Variants in UNC79 observed in about 807,000 individuals in gnomAD.
The protein encoded by UNC79 is unc-79 subunit of NALCN channel complex.
UNC79 carries 37 observed loss-of-function variants against 283.1 expected under a neutral mutation model. That is an observed-to-expected ratio of 0.13 (90% confidence interval 0.10 to 0.17). UNC79 has a LOEUF of 0.17. Among genes scored for constraint, UNC79 ranks in the 10% least tolerant of loss-of-function variants. UNC79 has a pLI of 1.00. For synonymous variants in UNC79, 1,107 were observed against 1,200.2 expected (o/e 0.92, Z 1.61); for missense variants, 2,272 against 3,211.1 (o/e 0.71, Z 7.07).
intron 25 of UNC79, 24 bp from the exon 26 acceptor site, chr14:93,603,215 G>T (rs764346702): frequency 6.2e-7 from 1 of 1,612,380 alleles, no homozygotes; most frequent in South Asian, 1.1e-5. Context: ...GAGAGTGATA[G>T]TCTCTTTAAT....
chr14:93,660,807 C>A (rs557549376), intron 39 of UNC79, among the ~76,000 whole-genome samples: 8 of 151,692 alleles, frequency 5.3e-5, no homozygotes, highest in Non-Finnish European at 8.8e-5. Flanking sequence ...CCAGGCTGGT[C>A]TCGAACTCCT....
At chr14:93,578,193 C>T in intron 18 of UNC79, 130 bp downstream of exon 18, 2 of 859,996 alleles carry the variant, frequency 2.3e-6, no homozygotes, top group Non-Finnish European at 3.5e-6. Flanking sequence ...AGACCTTTTG[C>T]AAACTCCTTT....
intron 1 of UNC79, among the ~76,000 whole-genome samples, chr14:93,439,901 T>C (rs2056231445): frequency 6.6e-6 from 1 of 152,198 alleles, no homozygotes; most frequent in African/African-American, 2.4e-5. Context: ...TGCAAATGAC[T>C]ATCTTAGAAA....
rs535121987 is a variant in UNC79, at chr14:93,645,490, G to A, written c.6045-1118G>A. Among the ~76,000 whole-genome samples, 7 of 152,262 alleles carry A rather than the reference G, an allele frequency of 4.6e-5. No individual in the cohort carries two copies. In the South Asian group the frequency reaches 1.5e-3, roughly 32 times the overall value. The stretch of plus-strand genomic sequence containing the variant: ...AGATTCAACTGTCAGCTAATTCAGG[G>A]CTTCCTGGCATGCCTCACTTCATCA... On this transcript the variant is annotated intron_variant, in intron 34 of 48. Transcript: ENST00000555664.
At chr14:93,685,889 T>C (rs2074202199) in intron 42 of UNC79, among the ~76,000 whole-genome samples, 1 of 152,214 alleles carries the variant, frequency 6.6e-6, no homozygotes, top group South Asian at 2.1e-4. Context: ...ACTTGCTTTC[T>C]TTTCCTTCAA....
chr14:93,461,511 T>C (rs1025033644), intron 1 of UNC79, among the ~76,000 whole-genome samples: 3 of 152,192 alleles, frequency 2.0e-5, no homozygotes, highest in African/African-American at 4.8e-5. Flanking sequence ...TTTTTTTTCT[T>C]CATTTTCATC....
chr14:93,425,075 G>T lies in UNC79; in HGVS notation c.-350-42596G>T, dbSNP rs140050549. 9.2e-5 allele frequency among the ~76,000 whole-genome samples: 14 copies of T among 152,252 alleles called. No homozygotes were observed. In the East Asian group the frequency reaches 2.7e-3, roughly 29 times the overall value. ...CATTTTCATGCTGCTATAAAGGACT[G>T]CCTGAGACTGGGTAATTTATAAAGG... On this transcript the variant is annotated intron_variant, in intron 1 of 49. Coordinates refer to the UNC79 transcript ENST00000256339.
At chr14:93,347,272 C>T in intron 1 of UNC79, 2 of 1,603,780 alleles carry the variant, frequency 1.2e-6, no homozygotes, top group Non-Finnish European at 1.7e-6. Context: ...ACGCGATATG[C>T]CTCTCCTGCG....
At chr14:93,600,855 T>C in intron 25 of UNC79, 85 bp downstream of exon 25, 1 of 1,467,544 alleles carries the variant, frequency 6.8e-7, no homozygotes, top group Non-Finnish European at 9.3e-7. Context: ...GCATGTCGTT[T>C]AATTCCTCTA....
intron 44 of UNC79, chr14:93,689,269 A>G (rs889709530): frequency 6.2e-6 from 1 of 162,450 alleles, no homozygotes; most frequent in Non-Finnish European, 1.3e-5. Context: ...GGGAGGCTAA[A>G]GAAGAGAGAG....
At chr14:93,467,628 C>CATTTTTTTTTTTTTTTT in intron 1 of UNC79, 43 bp from the exon 2 acceptor site, 1 of 761,392 alleles carries the variant, frequency 1.3e-6, no homozygotes, top group Non-Finnish European at 1.5e-6. Context: ...TTTCTTCTTC[C>CATTTTTTTTTTTTTTTT]TTTTTTTTTT....
chr14:93,459,618 T>A (rs183565041), intron 1 of UNC79, among the ~76,000 whole-genome samples: 1 of 151,582 alleles, frequency 6.6e-6, no homozygotes, highest in East Asian at 1.9e-4. Flanking sequence ...TTTATACTTA[T>A]TAGCTTTGTG....
intron 8 of UNC79, among the ~76,000 whole-genome samples, chr14:93,525,022 CAAAAACT>C (rs1321522090): frequency 2.0e-5 from 3 of 152,082 alleles, no homozygotes; most frequent in African/African-American, 7.2e-5. Flanking sequence ...TTTCATGAAC[CAAAAACT>C]GGCAGAGGAG....
intron 1 of UNC79, among the ~76,000 whole-genome samples, chr14:93,438,871 C>T (rs1377947274): frequency 6.6e-6 from 1 of 151,888 alleles, no homozygotes; most frequent in Non-Finnish European, 1.5e-5. Flanking sequence ...GTATGTCTTT[C>T]CATTTGTTCA....
At chr14:93,454,405 A>G (rs2056737868) in intron 1 of UNC79, among the ~76,000 whole-genome samples, 1 of 152,068 alleles carries the variant, frequency 6.6e-6, no homozygotes. Context: ...AGCTAACTAG[A>G]TGATTTTATG....
chr14:93,663,066 C>A (rs183261915), intron 40 of UNC79, among the ~76,000 whole-genome samples: 1 of 152,262 alleles, frequency 6.6e-6, no homozygotes, highest in Admixed American at 6.5e-5. Context: ...TGGGGCAAGG[C>A]ATCTCTACAT....
intron 1 of UNC79, among the ~76,000 whole-genome samples, chr14:93,449,232 A>G (rs184459965): frequency 1.3e-5 from 2 of 152,324 alleles, no homozygotes; most frequent in East Asian, 1.9e-4. Context: ...CTCAAAAACT[A>G]TGCTGTTGCC....
At chr14:93,359,696 C>G (rs894314602) in intron 1 of UNC79, among the ~76,000 whole-genome samples, 12 of 152,090 alleles carry the variant, frequency 7.9e-5, no homozygotes, top group Admixed American at 6.5e-5. Context: ...CAGAAAACTT[C>G]CAGGTCAAAT....
At chr14:93,466,705 T>A (rs1425491856) in intron 1 of UNC79, among the ~76,000 whole-genome samples, 3 of 152,230 alleles carry the variant, frequency 2.0e-5, no homozygotes, top group Non-Finnish European at 4.4e-5. Flanking sequence ...CAGTGAGCCA[T>A]ACCACCTAAA....
Sources: allele counts gnomAD v4.1 joint callset (sites outside exome capture counted in the v4.1 genomes callset), GRCh38; gene constraint gnomAD v4.1.1; transcripts MANE v1.5; gene names NCBI Gene and HGNC (gene_info 2026-07-23, HGNC 2026-07-21).